Variants in TADA2B observed in about 807,000 individuals in gnomAD.
TADA2B encodes transcriptional adapter 2-beta.
In TADA2B, 13 loss-of-function variants were observed where a neutral mutation model predicts 34.5. That is an observed-to-expected ratio of 0.38 (90% CI 0.25 to 0.60). The LOEUF is 0.60. Ranked by LOEUF, TADA2B falls within the 20% of genes least tolerant of loss-of-function variation. The pLI is 0.65. For synonymous variants in TADA2B, 240 were observed against 243.4 expected, an observed-to-expected ratio of 0.99 and a Z score of 0.13; for missense variants, 442 against 575.0, an observed-to-expected ratio of 0.77 and a Z score of 2.37.
chr4:7,043,607 G>C lies in TADA2B; in HGVS notation c.28G>C (p.Val10Leu). ...GGCGGAGCTGGGGAAGAAGTACTGC[G>C]TGTACTGCCTGGCCGAGGTGAGCCC... MAELGKKYC[V>L]YCLAEVSPLR... The change falls in exon 1 of 2, where the codon GTG (valine) becomes CTG (leucine). Residue 10 changes from valine to leucine, a missense_variant. By Grantham distance (32) the Val-to-Leu change is conservative (BLOSUM62 1). This residue lies in a region of TADA2B where 102 missense variants were observed against 177.2 expected (regional missense o/e 0.58). Coordinates refer to ENST00000310074, the MANE Select transcript of TADA2B (RefSeq NM_152293.3). The C allele has an allele frequency of 6.9e-7, 1 of 1,451,600 alleles. No homozygotes were observed. Among genetic ancestry groups the C allele is most frequent in the Admixed American group, 2.2e-5 (1 of 45,134 alleles). 89.9% of individuals were successfully genotyped at this position (1,451,600 alleles called of 1,614,324 possible). A position where few individuals can be genotyped will look rare whatever the true frequency, so the allele number is the denominator to read the frequency against.
rs1268765270 is a variant in TADA2B, at chr4:7,054,109, G to A, written c.318G>A (p.Val106=). 2 of 1,601,388 alleles carry A rather than the reference G, an allele frequency of 1.2e-6. No homozygotes were observed. The highest frequency in any genetic ancestry group is 2.7e-5 in the African/African-American group (2 of 74,646). ...GTGCTTCCCGGACTCCCCAAGAGGT[G>A]ATGGAGCATTACGTGAGCATGTACA... ...HVGASRTPQE[V]MEHYVSMYIH... is the part of the protein sequence containing the mutation. The change falls in exon 2 of 2, where the codon GTG becomes GTA. Residue 106 remains valine, a synonymous_variant. Coordinates refer to ENST00000310074, the MANE Select transcript of TADA2B (RefSeq NM_152293.3).
rs764909836 is a variant in TADA2B, at chr4:7,054,241, G to T, written c.450G>T (p.Pro150=). Residue 150 remains proline (P), a synonymous_variant, in exon 2 of 2, where the codon CCG becomes CCT. Transcript: ENST00000310074. ...GGPLSPSLTT[P]LPPLDISVAE... is the part of the protein sequence containing the mutation. ...CCCTCTCACCCAGCCTCACCACCCC[G>T]CTGCCCCCGCTGGACATCTCTGTGG... 2.7e-5 allele frequency: 43 copies of T among 1,609,060 alleles called. No individual in the cohort carries two copies. The highest frequency in any genetic ancestry group is 3.7e-5 in the Non-Finnish European group (43 of 1,177,888).
chr4:7,051,624 G>A (rs1300998782), intron 1 of TADA2B, among the ~76,000 whole-genome samples: 1 of 150,882 alleles, frequency 6.6e-6, no homozygotes. Flanking sequence ...TTGAGACAGA[G>A]TCTCGCTCTT....
At chr4:7,045,469 A>C (rs1240348847) in intron 1 of TADA2B, among the ~76,000 whole-genome samples, 1 of 152,212 alleles carries the variant, frequency 6.6e-6, no homozygotes, top group Admixed American at 6.5e-5. Context: ...CACCGGCCTC[A>C]GTGGCTTTTA....
Position 7,055,290 on chromosome 4 carries a change from C to A in TADA2B, c.*236C>A. On this transcript the variant is annotated 3_prime_UTR_variant, in exon 2 of 2. Coordinates refer to ENST00000310074, the MANE Select transcript of TADA2B (RefSeq NM_152293.3). ...GTGAGTTCCTGCGAGTCATACACTG[C>A]GATGATGCTCCGCCTTTACCCGTTC... 1.9e-6 allele frequency: 1 copy of A among 515,242 alleles called. No individual in the cohort carries two copies. The highest frequency in any genetic ancestry group is 3.4e-6 in the Non-Finnish European group (1 of 292,408). 31.9% of individuals were successfully genotyped at this position (515,242 alleles called of 1,614,324 possible). A position where few individuals can be genotyped will look rare whatever the true frequency, so the allele number is the denominator to read the frequency against.
At chr4:7,043,974 G>A in intron 1 of TADA2B, 125 bp downstream of exon 1, 1 of 1,248,052 alleles carries the variant, frequency 8.0e-7, no homozygotes, top group Admixed American at 3.8e-5. Flanking sequence ...GGCCCCGGAG[G>A]TGGGGAGGGC....
chr4:7,048,282 G>C (rs1201185888), intron 1 of TADA2B, among the ~76,000 whole-genome samples: 2 of 152,162 alleles, frequency 1.3e-5, no homozygotes, highest in Admixed American at 6.5e-5. Flanking sequence ...AAGGATGGCG[G>C]GAGGGGGAGG....
At chr4:7,047,423 CCTT>C (rs1486714955) in intron 1 of TADA2B, among the ~76,000 whole-genome samples, 1 of 152,234 alleles carries the variant, frequency 6.6e-6, no homozygotes, top group African/African-American at 2.4e-5. Flanking sequence ...CACTCAGGCT[CCTT>C]CTTGGAGCCA....
At chr4:7,052,102 C>T (rs1348954804) in intron 1 of TADA2B, among the ~76,000 whole-genome samples, 2 of 152,246 alleles carry the variant, frequency 1.3e-5, no homozygotes, top group Non-Finnish European at 2.9e-5. Context: ...GTGCAGCAGC[C>T]ATCGGAGCCT....
At position 7,054,167 on chromosome 4, in the gene TADA2B, G is replaced by A. The variant is rs781265705; in HGVS notation, c.376G>A (p.Asp126Asn). 64 of 1,605,110 alleles carry A rather than the reference G, an allele frequency of 4.0e-5. No individual in the cohort carries two copies. The highest frequency in any genetic ancestry group is 5.4e-5 in the Non-Finnish European group (64 of 1,176,048). Residue 126 changes from aspartate to asparagine, a missense_variant, in exon 2 of 2, where the codon GAC (aspartate) becomes AAC (asparagine). Physicochemically the swap from Asp to Asn is conservative, Grantham distance 23. This residue lies in a region of TADA2B where 222 missense variants were observed against 235.2 expected (regional missense o/e 0.94). Coordinates refer to ENST00000310074, the MANE Select transcript of TADA2B (RefSeq NM_152293.3). ...HGNLGKACIP[D>N]TIPNRVTDHT... is the part of the protein sequence containing the mutation. ...GAACCTGGGGAAGGCCTGCATCCCCGACACCATCCCCAACCGCGTGACAGA... is the reference window on the plus strand; with the variant it reads ...GAACCTGGGGAAGGCCTGCATCCCCAACACCATCCCCAACCGCGTGACAGA...
intron 1 of TADA2B, among the ~76,000 whole-genome samples, chr4:7,052,531 C>T (rs1183602772): frequency 6.6e-6 from 1 of 152,224 alleles, no homozygotes; most frequent in Non-Finnish European, 1.5e-5. Context: ...GTGGGGCCCA[C>T]TCTGGCCCTG....
chr4:7,049,367 C>G (rs1723713467), intron 1 of TADA2B, among the ~76,000 whole-genome samples: 1 of 152,266 alleles, frequency 6.6e-6, no homozygotes, highest in Non-Finnish European at 1.5e-5. Flanking sequence ...TAAGCCTGGC[C>G]TTGTGTGTGA....
intron 1 of TADA2B, among the ~76,000 whole-genome samples, chr4:7,044,823 C>A (rs1479711437): frequency 6.6e-6 from 1 of 152,158 alleles, no homozygotes; most frequent in Admixed American, 6.5e-5. Context: ...CATCTCGCTG[C>A]CACCTCTCCA....
rs1389228637 is a variant in TADA2B, at chr4:7,057,646, G to C, written c.*2592G>C. ...TACTAAAAATACAAAAATTAGCTGG[G>C]TGTGGTGGTGCATGCCTGTAGTCCC... On this transcript the variant is annotated 3_prime_UTR_variant, in exon 2 of 2. Coordinates refer to ENST00000310074, the MANE Select transcript of TADA2B (RefSeq NM_152293.3). 1 of 152,224 alleles carries C rather than the reference G, an allele frequency of 6.6e-6. No homozygotes were observed. The highest frequency in any genetic ancestry group is 2.4e-5 in the African/African-American group (1 of 41,454). The allele number at this position is 152,224 out of a possible 1,614,324, so 9.4% of individuals were successfully genotyped here. A position where few individuals can be genotyped will look rare whatever the true frequency, so the allele number is the denominator to read the frequency against.
chr4:7,045,089 A>C (rs1418912394), intron 1 of TADA2B: 1 of 152,282 alleles, frequency 6.6e-6, no homozygotes, highest in African/African-American at 2.4e-5. Flanking sequence ...CGGATTCTAC[A>C]GTGGCGGAGA....
At position 7,054,392 on chromosome 4, in the gene TADA2B, C is replaced by T; in HGVS notation, c.601C>T (p.Leu201=). The change falls in exon 2 of 2, where the codon CTG becomes TTG. Residue 201 remains leucine, a synonymous_variant. Coordinates refer to ENST00000310074, the MANE Select transcript of TADA2B (RefSeq NM_152293.3). The part of the protein sequence containing the change: ...NYDDDDVEIE[L]KRAHVDMYVR... Reference sequence around the variant, plus strand: ...TGATGACGACGACGTGGAGATCGAGCTGAAGCGCGCCCACGTGGACATGTA... The same window carrying T: ...TGATGACGACGACGTGGAGATCGAGTTGAAGCGCGCCCACGTGGACATGTA... 1 of 1,613,304 alleles carries T rather than the reference C, an allele frequency of 6.2e-7. No homozygotes were observed.
chr4:7,046,221 C>T (rs1723625559), intron 1 of TADA2B: 2 of 152,240 alleles, frequency 1.3e-5, no homozygotes, highest in Admixed American at 6.5e-5. Context: ...CTGGCAGAAC[C>T]TCGTTGCGTT....
chr4:7,052,167 T>C (rs1326915402), intron 1 of TADA2B, among the ~76,000 whole-genome samples: 3 of 152,226 alleles, frequency 2.0e-5, no homozygotes, highest in Non-Finnish European at 4.4e-5. Context: ...TCCGCAGCCT[T>C]GGACAGAAGC....
chr4:7,043,745 G>C lies in TADA2B; in HGVS notation c.166G>C (p.Gly56Arg). ...CTACCACGGCTACCAGCTGGTGGAC[G>C]GCGGGCGCTTCACGCTCTGGGGGCC... The part of the protein sequence containing the change: ...RRYHGYQLVD[G>R]GRFTLWGPEA... Residue 56 changes from glycine to arginine, a missense_variant, in exon 1 of 2, where the codon GGC (glycine) becomes CGC (arginine). By Grantham distance (125) the Gly-to-Arg change is moderately radical. Around this residue, in one of 4 missense-constraint regions of TADA2B, gnomAD observed 102 missense variants for 177.2 expected, o/e 0.58. Transcript: ENST00000310074. 6.3e-7 allele frequency: 1 copy of C among 1,585,834 alleles called. No individual in the cohort carries two copies. Among genetic ancestry groups the C allele is most frequent in the Non-Finnish European group, 8.5e-7 (1 of 1,171,766 alleles).
Sources: gnomAD v4.1 joint callset for allele counts (sites outside exome capture counted in the v4.1 genomes callset) on GRCh38, gnomAD v4.1.1 for gene constraint, gnomAD v4.1.1 regional missense constraint, MANE v1.5 for transcripts, NCBI Gene and HGNC (gene_info 2026-07-23, HGNC 2026-07-21) for gene names.